Variants in DPP6 observed in about 807,000 individuals in gnomAD.
DPP6 encodes the protein A-type potassium channel modulatory protein DPP6.
In DPP6, 69 loss-of-function variants were observed where a neutral mutation model predicts 122.6. That is an observed-to-expected ratio of 0.56 (90% CI 0.46 to 0.69). The LOEUF is 0.69. DPP6 is among the 30% of genes least tolerant of loss of function. The pLI, the probability that DPP6 is intolerant of heterozygous loss-of-function variation, is 0.00. For synonymous variants in DPP6, 418 were observed against 433.1 expected, an observed-to-expected ratio of 0.97 and a Z score of 0.43; for missense variants, 928 against 1,116.9, an observed-to-expected ratio of 0.83 and a Z score of 2.41.
intron 7 of DPP6, among the ~76,000 whole-genome samples, chr7:154,681,676 T>A (rs950675331): frequency 3.3e-5 from 5 of 152,186 alleles, no homozygotes. Context: ...TTTGTGGAAT[T>A]CTCCCGTTTG....
At chr7:154,460,697 T>C (rs1054820943) in intron 2 of DPP6, among the ~76,000 whole-genome samples, 2 of 152,328 alleles carry the variant, frequency 1.3e-5, no homozygotes, top group African/African-American at 2.4e-5. Flanking sequence ...ACTATTTCAT[T>C]TTTTAATTTT....
At chr7:154,466,132 A>G (rs1166149801) in intron 2 of DPP6, among the ~76,000 whole-genome samples, 1 of 151,812 alleles carries the variant, frequency 6.6e-6, no homozygotes, top group Non-Finnish European at 1.5e-5. Context: ...GCATGTTCTC[A>G]CTCATAAGTG....
chr7:154,558,237 A>G (rs1246309205), intron 4 of DPP6, among the ~76,000 whole-genome samples: 2 of 152,194 alleles, frequency 1.3e-5, no homozygotes, highest in African/African-American at 4.8e-5. Flanking sequence ...AGCCTAATAC[A>G]TAGATTTCCC....
chr7:153,811,927 G>A, the DPP6 span, among the ~76,000 whole-genome samples: 1 of 152,098 alleles, frequency 6.6e-6, no homozygotes, highest in South Asian at 2.1e-4. Flanking sequence ...CTGACTGTAG[G>A]AAATGATGAA....
the DPP6 span, among the ~76,000 whole-genome samples, chr7:153,871,940 C>T: frequency 6.6e-5 from 10 of 152,298 alleles, no homozygotes; most frequent in South Asian, 4.1e-4. Flanking sequence ...AACACCGCTG[C>T]GAATATGGAC....
In DPP6 at chr7:154,479,426, G is replaced by T. The variant is rs546427207; in HGVS notation, c.457+4389G>T. On this transcript the variant is annotated intron_variant, in intron 3 of 25. Coordinates refer to ENST00000377770, the MANE Select transcript of DPP6 (RefSeq NM_130797.4). ...TACAAAAATTAGCCAGGCGTGGTAGGGCACACCTGTAGTCCCAGCTACTCG... is the reference window on the plus strand; with the variant it reads ...TACAAAAATTAGCCAGGCGTGGTAGTGCACACCTGTAGTCCCAGCTACTCG... 6.6e-3 allele frequency among the ~76,000 whole-genome samples: 1,008 copies of T among 151,826 alleles called. 14 individuals are homozygous for T. Among genetic ancestry groups the T allele is most frequent in the African/African-American group, 0.023 (954 of 41,418 alleles).
chr7:154,886,526 T>C (rs1806169853), intron 22 of DPP6, among the ~76,000 whole-genome samples: 2 of 152,190 alleles, frequency 1.3e-5, no homozygotes, highest in Non-Finnish European at 2.9e-5. Flanking sequence ...CCTGAACCCA[T>C]TTCTTAGAAT....
intron 1 of DPP6, among the ~76,000 whole-genome samples, chr7:154,137,326 C>T (rs1414836369): frequency 6.6e-6 from 1 of 151,904 alleles, no homozygotes; most frequent in African/African-American, 2.4e-5. Flanking sequence ...CCATCTGTTT[C>T]TCCACTGCCT....
At chr7:154,634,263 T>C (rs1364635751) in intron 5 of DPP6, among the ~76,000 whole-genome samples, 1 of 150,164 alleles carries the variant, frequency 6.7e-6, no homozygotes, top group Non-Finnish European at 1.5e-5. Flanking sequence ...CATGCGGTGT[T>C]TGGTTTTTTG....
intron 1 of DPP6, among the ~76,000 whole-genome samples, chr7:154,262,275 G>A (rs935010541): frequency 5.3e-5 from 8 of 152,150 alleles, no homozygotes; most frequent in Admixed American, 5.2e-4. Flanking sequence ...CTAATTGGTT[G>A]TGAGGACCTC....
At chr7:154,456,575 C>CA (rs1366979626) in intron 2 of DPP6, among the ~76,000 whole-genome samples, 2 of 150,728 alleles carry the variant, frequency 1.3e-5, no homozygotes, top group African/African-American at 4.9e-5. Flanking sequence ...CCCCCCCCAC[C>CA]AAAAAAAAAG....
At chr7:154,859,764 C>A (rs188311092) in intron 17 of DPP6, among the ~76,000 whole-genome samples, 20 of 152,272 alleles carry the variant, frequency 1.3e-4, no homozygotes, top group Admixed American at 4.6e-4. Flanking sequence ...GATAAAAAAA[C>A]CAACAAAATC....
chr7:154,350,023 G>T (rs1810715883), intron 1 of DPP6, among the ~76,000 whole-genome samples: 1 of 152,198 alleles, frequency 6.6e-6, no homozygotes, highest in African/African-American at 2.4e-5. Flanking sequence ...CTTAGGAGGA[G>T]GACAGGCAGA....
At chr7:154,047,016 A>G (rs1800049463) in intron 1 of DPP6, among the ~76,000 whole-genome samples, 1 of 150,814 alleles carries the variant, frequency 6.6e-6, no homozygotes, top group Non-Finnish European at 1.5e-5. Context: ...TGCTGTCAGG[A>G]AAAGACGTTG....
At chr7:153,834,192 C>A in the DPP6 span, among the ~76,000 whole-genome samples, 2 of 151,488 alleles carry the variant, frequency 1.3e-5, no homozygotes, top group Non-Finnish European at 2.9e-5. Flanking sequence ...GAGGCTGAGG[C>A]AGGAGAATGG....
chr7:154,577,835 C>T (rs2130642066), intron 5 of DPP6, among the ~76,000 whole-genome samples: 1 of 152,286 alleles, frequency 6.6e-6, no homozygotes, highest in African/African-American at 2.4e-5. Context: ...TTCAGAGACT[C>T]AAAAGCAATT....
chr7:154,447,821 C>G (rs1460168477), intron 2 of DPP6, among the ~76,000 whole-genome samples: 6 of 152,132 alleles, frequency 3.9e-5, no homozygotes, highest in African/African-American at 1.4e-4. Context: ...GGGCAAAAAG[C>G]ACATGATCAT....
chr7:154,672,733 C>T (rs992476642), intron 7 of DPP6, among the ~76,000 whole-genome samples: 7 of 152,144 alleles, frequency 4.6e-5, no homozygotes, highest in African/African-American at 7.2e-5. Flanking sequence ...GAGCTTAAGA[C>T]GCAATATAGC....
At chr7:154,059,004 T>G (rs1247952324) in intron 1 of DPP6, 4 of 137,694 alleles carry the variant, frequency 2.9e-5, no homozygotes, top group Non-Finnish European at 6.1e-5. Context: ...GTTCCCCCAC[T>G]GGCTCTTAGG....
Sources: allele counts gnomAD v4.1 joint callset (sites outside exome capture counted in the v4.1 genomes callset), GRCh38; gene constraint gnomAD v4.1.1; transcripts MANE v1.5; gene names NCBI Gene and HGNC (gene_info 2026-07-23, HGNC 2026-07-21).